Variants in TTN observed in about 807,000 individuals in gnomAD.
TTN encodes connectin.
TTN carries 1,525 observed loss-of-function variants against 3,223.0 expected under a neutral mutation model. That is an observed-to-expected ratio of 0.47 (90% CI 0.45 to 0.49). The LOEUF (loss-of-function observed/expected upper bound fraction) is 0.49. Ranked by LOEUF, TTN falls within the 20% of genes least tolerant of loss-of-function variation. The pLI is 0.00. For missense variants in TTN, 40,786 were observed against 43,424.0 expected (o/e 0.94, Z 5.40); for synonymous variants, 14,094 against 15,161.0 (o/e 0.93, Z 5.17).
At position 178,610,100 on chromosome 2, in the gene TTN, T is replaced by C. The variant is rs1367537610; in HGVS notation, c.51426A>G (p.Gln17142=). The C allele has an allele frequency of 6.2e-7, 1 of 1,612,808 alleles. No individual in the cohort carries two copies. Among genetic ancestry groups the C allele is most frequent in the Admixed American group, 1.7e-5 (1 of 59,930 alleles). Residue 17142 remains glutamine, a synonymous_variant, in exon 271 of 363, where the codon CAA becomes CAG. Transcript: ENST00000589042. ...CATGTCCAAACTTACGCTTTGGATC[T>C]TGAGCAATGACTGGATTTTTCAGTT... ...YIELKNPVIA[Q]DPKQPPDPPV... is the part of the protein sequence containing the mutation.
chr2:178,543,968 G>T lies in TTN; in HGVS notation c.96176C>A (p.Ala32059Glu), dbSNP rs769741768. ...GTAGCTCTCAGTGGTGTCAATAATT[G>T]CCCGGCTTGCAAGGTCAATGCCCTG... is the stretch of plus-strand genomic sequence containing the variant. ...SKQGIDLASR[A>E]IIDTTESYSL... The change falls in exon 346 of 363, where the codon GCA (alanine) becomes GAA (glutamate). Residue 32059 changes from alanine (A) to glutamate (E), a missense_variant. By Grantham distance (107) the Ala-to-Glu change is moderately radical (BLOSUM62 -1). Transcript: ENST00000589042. 1.9e-6 allele frequency: 3 copies of T among 1,613,582 alleles called. No individual in the cohort carries two copies. Among genetic ancestry groups the T allele is most frequent in the Non-Finnish European group, 1.7e-6 (2 of 1,179,700 alleles).
intron 312 of TTN, 69 bp from the exon 313 acceptor site, chr2:178,583,296 T>C: frequency 7.5e-7 from 1 of 1,338,606 alleles, no homozygotes; most frequent in Non-Finnish European, 9.9e-7. Context: ...TTAATAATAG[T>C]GGGAAATTCA....
At position 178,579,729 on chromosome 2, in the gene TTN, A is replaced by T. The variant is rs924529776; in HGVS notation, c.67468T>A (p.Phe22490Ile). 1 of 1,613,152 alleles carries T rather than the reference A, an allele frequency of 6.2e-7. No individual in the cohort carries two copies. Among genetic ancestry groups the T allele is most frequent in the Non-Finnish European group, 8.5e-7 (1 of 1,179,498 alleles). ...GSRIIGYVVDFLTEENKWQRV... is the reference protein window; with the variant it reads ...GSRIIGYVVDILTEENKWQRV... ...TGCCACTTATTTTCTTCAGTCAGGA[A>T]ATCAACTACATATCCAATAATCCGA... The change falls in exon 319 of 363, where the codon TTC becomes ATC. Residue 22490 changes from phenylalanine to isoleucine, a missense_variant. Phe to Ile is a conservative substitution (Grantham distance 21, BLOSUM62 0). Transcript: ENST00000589042.
In TTN at chr2:178,794,395, G is replaced by T. The variant is rs368548209; in HGVS notation, c.1398+4C>A. On this transcript the variant is annotated splice_donor_region_variant and intron_variant, in intron 8 of 362. Coordinates refer to ENST00000589042, the MANE Select transcript of TTN (RefSeq NM_001267550.2). Reference sequence around the variant, plus strand: ...CGGGTGCCCCATGGCAGCCTCGCACGTACCTGTTCTTGAGCAGGTTGGATG... The same window carrying T: ...CGGGTGCCCCATGGCAGCCTCGCACTTACCTGTTCTTGAGCAGGTTGGATG... The T allele has an allele frequency of 1.9e-6, 3 of 1,613,952 alleles. No homozygotes were observed. Among genetic ancestry groups the T allele is most frequent in the Non-Finnish European group, 8.5e-7 (1 of 1,179,998 alleles).
chr2:178,804,526 A>C (rs1206479353), intron 2 of TTN, 26 bp downstream of exon 2: 1 of 1,612,074 alleles, frequency 6.2e-7, no homozygotes, highest in Admixed American at 1.7e-5. Flanking sequence ...GGAAAAAAAA[A>C]CAAAAGTGTG....
Position 178,616,539 on chromosome 2 carries a change from T to C in TTN, c.48252A>G (p.Gly16084=), listed in dbSNP as rs749269667. ...CAACAACGTATCCAGTTAACGGACT[T>C]CCTCCATCATCATCAGGTGGTTCCC... ...LTWEPPDDDG[G]SPLTGYVVEK... is the part of the protein sequence containing the mutation. Residue 16084 remains glycine, a synonymous_variant, in exon 257 of 363, where the codon GGA becomes GGG. Coordinates refer to ENST00000589042, the MANE Select transcript of TTN (RefSeq NM_001267550.2). 7 of 1,612,464 alleles carry C rather than the reference T, an allele frequency of 4.3e-6. No homozygotes were observed. The highest frequency in any genetic ancestry group is 5.9e-6 in the Non-Finnish European group (7 of 1,179,002).
rs1416323929 is a variant in TTN at position 178,548,487 on chromosome 2, G to A, written c.93139C>T (p.Arg31047Ter). Residue 31047 changes from arginine to a stop codon, truncating the protein, a stop_gained, in exon 339 of 363, where the codon CGA becomes TGA. Transcript: ENST00000589042. LOFTEE classifies it high-confidence loss of function. The surrounding 1 kb of genome is among the most constrained non-coding windows in gnomAD (Gnocchi z 4.3). ...WDAPLLDGGA[R>*]IHHYVVEKRE... Reference sequence around the variant, plus strand: ...TTCTCTACCACATAATGATGGATTCGGGCACCACCGTCAAGAAGAGGGGCA... The same window carrying A: ...TTCTCTACCACATAATGATGGATTCAGGCACCACCGTCAAGAAGAGGGGCA... 4 of 1,613,614 alleles carry A rather than the reference G, an allele frequency of 2.5e-6. No homozygotes were observed. The highest frequency in any genetic ancestry group is 2.2e-5 in the East Asian group (1 of 44,874).
At position 178,567,765 on chromosome 2, in the gene TTN, A is replaced by T. The variant is rs1706474131; in HGVS notation, c.78367T>A (p.Tyr26123Asn). Residue 26123 changes from tyrosine (Y) to asparagine (N), a missense_variant, in exon 326 of 363, where the codon TAC (tyrosine) becomes AAC (asparagine). Physicochemically the swap from Tyr to Asn is moderately radical, Grantham distance 143. Coordinates refer to ENST00000589042, the MANE Select transcript of TTN (RefSeq NM_001267550.2). ...GGCAAATCACGTTTCTCTACAATGT[A>T]GCCTGTAATCATACTTCCACCATCA... ...VYDGGSMITG[Y>N]IVEKRDLPDG... 1.2e-6 allele frequency: 2 copies of T among 1,613,466 alleles called. No individual in the cohort carries two copies. Among genetic ancestry groups the T allele is most frequent in the Non-Finnish European group, 1.7e-6 (2 of 1,179,576 alleles).
chr2:178,731,007 T>G lies in TTN; in HGVS notation c.17658A>C (p.Glu5886Asp). The change falls in exon 60 of 363, where the codon GAA (glutamate) becomes GAC (aspartate). Residue 5886 changes from glutamate (E) to aspartate (D), a missense_variant. Coordinates refer to ENST00000589042, the MANE Select transcript of TTN (RefSeq NM_001267550.2). ...AAGTATATTCTCCACTATCTTTCTT[T>G]TCTGTAGAAATAATCTTCAGTATTG... is the stretch of plus-strand genomic sequence containing the variant. ...TVSILKIIST[E>D]KKDSGEYTFE... 1 of 1,613,658 alleles carries G rather than the reference T, an allele frequency of 6.2e-7. No individual in the cohort carries two copies. Among genetic ancestry groups the G allele is most frequent in the Non-Finnish European group, 8.5e-7 (1 of 1,179,704 alleles).
In TTN at chr2:178,620,620, C is replaced by G. The variant is rs775319828; in HGVS notation, c.45901G>C (p.Asp15301His). 2 of 1,605,910 alleles carry G rather than the reference C, an allele frequency of 1.2e-6. No individual in the cohort carries two copies. The highest frequency in any genetic ancestry group is 1.7e-6 in the Non-Finnish European group (2 of 1,177,456). ...SAANLIVEEE[D>H]LRIVEPLKDI... ...TTAAGAGGCTCAACAATCCTAAGGT[C>G]TTCCTCTGTTGTAAAGGAGAAAAAT... Residue 15301 changes from aspartate (D) to histidine (H), a missense_variant, in exon 248 of 363, where the codon GAC (aspartate) becomes CAC (histidine). Transcript: ENST00000589042.
At chr2:178,707,929 T>G (rs978956195) in intron 99 of TTN, 116 bp from the exon 100 acceptor site, 4 of 1,050,400 alleles carry the variant, frequency 3.8e-6, no homozygotes, top group Non-Finnish European at 5.5e-6. Flanking sequence ...GTTGCTGTAG[T>G]AGGACAGAAT....
In TTN at chr2:178,576,794, A is replaced by G; in HGVS notation, c.69450T>C (p.Asn23150=). The G allele has an allele frequency of 6.2e-7, 1 of 1,613,184 alleles. No homozygotes were observed. The highest frequency in any genetic ancestry group is 1.1e-5 in the South Asian group (1 of 90,936). ...TGACAGTGGCAGTGTTCTTAGTGAC[A>G]TTTGATACCTCTGGTTTTTCAGGAG... is the stretch of plus-strand genomic sequence containing the variant. The part of the protein sequence containing the change: ...PGPPEKPEVS[N]VTKNTATVSW... Residue 23150 remains asparagine (N), a synonymous_variant, in exon 325 of 363, where the codon AAT becomes AAC. Coordinates refer to ENST00000589042, the MANE Select transcript of TTN (RefSeq NM_001267550.2). The surrounding 1 kb of genome is among the most constrained non-coding windows in gnomAD (Gnocchi z 4.3).
At position 178,560,176 on chromosome 2, in the gene TTN, T is replaced by C. The variant is rs1397760863; in HGVS notation, c.85956A>G (p.Pro28652=). ...CAATTTTGGGTTTGGATGGAGGAGA[T>C]GGTAGGAACACTGGATCTTCTGCCC... ...LIRAEDPVFL[P]SPPSKPKIVD... The change falls in exon 326 of 363, where the codon CCA becomes CCG. Residue 28652 remains proline (P), a synonymous_variant. Coordinates refer to ENST00000589042, the MANE Select transcript of TTN (RefSeq NM_001267550.2). The C allele has an allele frequency of 3.7e-6, 6 of 1,613,628 alleles. No individual in the cohort carries two copies. Among genetic ancestry groups the C allele is most frequent in the Admixed American group, 3.3e-5 (2 of 59,984 alleles).
At chr2:178,727,438 T>C in intron 68 of TTN, 67 bp from the exon 69 acceptor site, 1 of 1,509,604 alleles carries the variant, frequency 6.6e-7, no homozygotes, top group Non-Finnish European at 8.8e-7. Flanking sequence ...AATTAGATAG[T>C]ATACAGGCAA....
intron 109 of TTN, among the ~76,000 whole-genome samples, chr2:178,701,790 C>G (rs1266806588): frequency 6.6e-6 from 1 of 152,138 alleles, no homozygotes; most frequent in Non-Finnish European, 1.5e-5. Flanking sequence ...TTGTTTCATT[C>G]TGTGGCTATT....
Position 178,592,015 on chromosome 2 carries a change from A to C in TTN, c.59889T>G (p.Val19963=). Residue 19963 remains valine (V), a synonymous_variant, in exon 302 of 363, where the codon GTT becomes GTG. Coordinates refer to ENST00000589042, the MANE Select transcript of TTN (RefSeq NM_001267550.2). ...AAGCCTTGATTGGTTTTGGTGTTTC[A>C]ACAAAAGGACCACGTCCATACTGGT... The part of the protein sequence containing the change: ...AENQYGRGPF[V]ETPKPIKALD... 2.5e-6 allele frequency: 4 copies of C among 1,613,002 alleles called. No individual in the cohort carries two copies. The highest frequency in any genetic ancestry group is 3.4e-6 in the Non-Finnish European group (4 of 1,179,454).
intron 216 of TTN, among the ~76,000 whole-genome samples, 157 bp downstream of exon 216, chr2:178,646,328 T>C (rs2061997192): frequency 6.6e-6 from 1 of 150,668 alleles, no homozygotes; most frequent in African/African-American, 2.4e-5. Flanking sequence ...ACAGTACAAG[T>C]TACATGGAAA....
Position 178,800,431 on chromosome 2 carries a change from C to T in TTN, c.547G>A (p.Gly183Arg), listed in dbSNP as rs757439753. 1.1e-5 allele frequency: 18 copies of T among 1,614,036 alleles called. No homozygotes were observed. In the South Asian group the frequency reaches 2.0e-4, roughly 18 times the overall value. The change falls in exon 4 of 363, where the codon GGA becomes AGA. Residue 183 changes from glycine to arginine, a missense_variant. By Grantham distance (125) the Gly-to-Arg change is moderately radical. Transcript: ENST00000589042. ...AATTCAGCAGTCGAAGTAGCTCTTC[C>T]AACGCTATTGGTGGCATTTACTGAA... ...TYSVNATNSV[G>R]RATSTAELLV...
chr2:178,681,600 G>A, intron 136 of TTN, 61 bp downstream of exon 136: 1 of 1,524,740 alleles, frequency 6.6e-7, no homozygotes, highest in Non-Finnish European at 9.0e-7. Flanking sequence ...TATTTTTATA[G>A]TAGGACAGAC....
Sources: gnomAD v4.1 joint callset for allele counts (sites outside exome capture counted in the v4.1 genomes callset) on GRCh38, gnomAD v4.1.1 for gene constraint, Gnocchi (gnomAD v3.1) non-coding constraint, MANE v1.5 for transcripts, NCBI Gene and HGNC (gene_info 2026-07-23, HGNC 2026-07-21) for gene names.